Variants in S1PR5 observed in about 807,000 individuals in gnomAD.
The protein encoded by S1PR5 is sphingosine 1-phosphate receptor 5.
For synonymous variants in S1PR5, 307 were observed against 284.7 expected (o/e 1.08, Z -0.79); for missense variants, 583 against 571.7 (o/e 1.02, Z -0.20).
intron 1 of S1PR5, among the ~76,000 whole-genome samples, chr19:10,515,349 C>T (rs1177320416): frequency 6.6e-6 from 1 of 151,956 alleles, no homozygotes; most frequent in Non-Finnish European, 1.5e-5. Flanking sequence ...AGGCTCAGGC[C>T]TGAGGCAGTG....
In S1PR5 at chr19:10,514,301, C is replaced by T; in HGVS notation, c.711G>A (p.Ser237=). 2 of 1,567,168 alleles carry T rather than the reference C, an allele frequency of 1.3e-6. No homozygotes were observed. The highest frequency in any genetic ancestry group is 1.7e-6 in the Non-Finnish European group (2 of 1,156,880). Residue 237 remains serine, a synonymous_variant, in exon 2 of 2, where the codon TCG becomes TCA. Coordinates refer to ENST00000333430, the MANE Select transcript of S1PR5 (RefSeq NM_030760.5). ...AGCGCGGCTTGCGACGCGCCCGGGT[C>T]GAGGTGGTCCCCGCAGTCCCGGGCC... ...PARPGTAGTT[S]TRARRKPRSL...
At chr19:10,517,230 G>T (rs940756654) in intron 1 of S1PR5, 168 bp downstream of exon 1, 1 of 308,226 alleles carries the variant, frequency 3.2e-6, no homozygotes, top group Non-Finnish European at 4.7e-6. Flanking sequence ...CCTGCACCCA[G>T]CTGGGGAGCC....
At position 10,514,992 on chromosome 19, in the gene S1PR5, C is replaced by G; in HGVS notation, c.20G>C (p.Arg7Pro). 6.4e-7 allele frequency: 1 copy of G among 1,570,802 alleles called. No individual in the cohort carries two copies. The highest frequency in any genetic ancestry group is 8.6e-7 in the Non-Finnish European group (1 of 1,163,124). ...GATGACCTCGCTCACCGGCGCCGGCCGCAGCAGCCCCGACTCCATGGGCCG... is the reference window on the plus strand; with the variant it reads ...GATGACCTCGCTCACCGGCGCCGGCGGCAGCAGCCCCGACTCCATGGGCCG... The part of the protein sequence containing the change: MESGLL[R>P]PAPVSEVIVL... Residue 7 changes from arginine (R) to proline (P), a missense_variant, in exon 2 of 2, where the codon CGG becomes CCG. Physicochemically the swap from Arg to Pro is moderately radical, Grantham distance 103 (BLOSUM62 -2). Transcript: ENST00000333430.
Position 10,514,189 on chromosome 19 carries a change from C to T in S1PR5, c.823G>A (p.Val275Met), listed in dbSNP as rs959437204. Residue 275 changes from valine to methionine, a missense_variant, in exon 2 of 2, where the codon GTG becomes ATG. Transcript: ENST00000333430. Reference protein sequence around the residue: ...GPLFLLLLLDVACPARTCPVL... With the variant: ...GPLFLLLLLDMACPARTCPVL... ...GGACAGGTGCGCGCCGGGCACGCCACGTCGAGCAACAGCAGCAGGAAGAGG... is the reference window on the plus strand; with the variant it reads ...GGACAGGTGCGCGCCGGGCACGCCATGTCGAGCAACAGCAGCAGGAAGAGG... The T allele has an allele frequency of 6.2e-7, 1 of 1,612,322 alleles. No individual in the cohort carries two copies. Among genetic ancestry groups the T allele is most frequent in the Non-Finnish European group, 8.5e-7 (1 of 1,179,620 alleles).
chr19:10,513,970 G>A lies in S1PR5; in HGVS notation c.1042C>T (p.Leu348=). 1.3e-6 allele frequency: 2 copies of A among 1,599,804 alleles called. No homozygotes were observed. Among genetic ancestry groups the A allele is most frequent in the Non-Finnish European group, 1.7e-6 (2 of 1,174,456 alleles). ...AGGCCCGGGGGCAGGCAGCGGCGCA[G>A]GCCCCCGGAAGCCTCAGCCGCGCTC... ...SASAAEASGG[L]RRCLPPGLDG... is the part of the protein sequence containing the mutation. Residue 348 remains leucine (L), a synonymous_variant, in exon 2 of 2, where the codon CTG becomes TTG. Transcript: ENST00000333430.
chr19:10,513,964 G>C lies in S1PR5; in HGVS notation c.1048C>G (p.Arg350Gly). The C allele has an allele frequency of 1.3e-6, 2 of 1,598,108 alleles. No homozygotes were observed. The highest frequency in any genetic ancestry group is 1.7e-6 in the Non-Finnish European group (2 of 1,173,582). ...SAAEASGGLR[R>G]CLPPGLDGSF... The stretch of plus-strand genomic sequence containing the variant: ...CCATCAAGGCCCGGGGGCAGGCAGC[G>C]GCGCAGGCCCCCGGAAGCCTCAGCC... The change falls in exon 2 of 2, where the codon CGC becomes GGC. Residue 350 changes from arginine (R) to glycine (G), a missense_variant. Coordinates refer to ENST00000333430, the MANE Select transcript of S1PR5 (RefSeq NM_030760.5).
rs778823439 is a variant in S1PR5 at position 10,514,680 on chromosome 19, C to A, written c.332G>T (p.Arg111Leu). 1.3e-5 allele frequency: 21 copies of A among 1,608,456 alleles called. No homozygotes were observed. Among genetic ancestry groups the A allele is most frequent in the Non-Finnish European group, 1.8e-5 (21 of 1,178,700 alleles). The change falls in exon 2 of 2, where the codon CGG becomes CTG. Residue 111 changes from arginine to leucine, a missense_variant. Physicochemically the swap from Arg to Leu is moderately radical, Grantham distance 102 (BLOSUM62 -2). Transcript: ENST00000333430. ...LKLSPALWFA[R>L]EGGVFVALTA... is the part of the protein sequence containing the mutation. ...GAGTGCCACGAAGACGCCTCCCTCC[C>A]GTGCGAACCAGAGCGCGGGGGACAG...
chr19:10,515,709 T>C (rs1915423617), intron 1 of S1PR5, among the ~76,000 whole-genome samples: 2 of 151,792 alleles, frequency 1.3e-5, no homozygotes, highest in Non-Finnish European at 2.9e-5. Context: ...GGGAGGATTG[T>C]TTGAGGCCCA....
Position 10,514,370 on chromosome 19 carries a change from G to A in S1PR5, c.642C>T (p.Arg214=). The A allele has an allele frequency of 6.3e-7, 1 of 1,590,112 alleles. No homozygotes were observed. The change falls in exon 2 of 2, where the codon CGC becomes CGT. Residue 214 remains arginine, a synonymous_variant. Transcript: ENST00000333430. ...ILAAICALYA[R]IYCQVRANAR... ...CGTTGGCGCGTACCTGGCAGTAGATGCGCGCGTAGAGTGCACAGATAGCGG... is the reference window on the plus strand; with the variant it reads ...CGTTGGCGCGTACCTGGCAGTAGATACGCGCGTAGAGTGCACAGATAGCGG...
chr19:10,513,609 G>C lies in S1PR5; in HGVS notation c.*206C>G, dbSNP rs1250695457. ...ATCATCTCCATTATTTCATCACCGA[G>C]TTCTTTTCTGTGTTCCCAAGCAGAA... On this transcript the variant is annotated 3_prime_UTR_variant, in exon 2 of 2. Transcript: ENST00000333430. 1.3e-4 allele frequency: 87 copies of C among 657,112 alleles called. 2 individuals carry two copies. In the East Asian group the frequency reaches 2.5e-3, roughly 19 times the overall value. 40.7% of individuals were successfully genotyped at this position (657,112 alleles called of 1,614,324 possible).
intron 1 of S1PR5, among the ~76,000 whole-genome samples, chr19:10,515,436 CCT>C (rs1386000964): frequency 1.8e-4 from 27 of 151,952 alleles, no homozygotes; most frequent in Non-Finnish European, 3.5e-4. Context: ...ACGGTGAACC[CCT>C]CCGTCTCTGC....
At chr19:10,517,772 G>T, upstream of S1PR5, 1 of 870,760 alleles carries the variant, frequency 1.1e-6, no homozygotes, top group Non-Finnish European at 1.4e-6. Context: ...CAGCGGAGGG[G>T]TCTCCTCTGT....
rs554077659 is a variant in S1PR5, at chr19:10,514,393, C to T, written c.619G>A (p.Ala207Thr). 6.2e-7 allele frequency: 1 copy of T among 1,605,352 alleles called. No homozygotes were observed. The highest frequency in any genetic ancestry group is 1.3e-5 in the African/African-American group (1 of 74,930). ...CVLAFVGILA[A>T]ICALYARIYC... Reference sequence around the variant, plus strand: ...ATGCGCGCGTAGAGTGCACAGATAGCGGCCAGGATGCCCACGAAGGCGAGC... The same window carrying T: ...ATGCGCGCGTAGAGTGCACAGATAGTGGCCAGGATGCCCACGAAGGCGAGC... Residue 207 changes from alanine (A) to threonine (T), a missense_variant, in exon 2 of 2, where the codon GCT (alanine) becomes ACT (threonine). Physicochemically the swap from Ala to Thr is moderately conservative, Grantham distance 58. Coordinates refer to ENST00000333430, the MANE Select transcript of S1PR5 (RefSeq NM_030760.5).
At position 10,513,924 on chromosome 19, in the gene S1PR5, G is replaced by A. The variant is rs769177138; in HGVS notation, c.1088C>T (p.Ser363Leu). Residue 363 changes from serine (S) to leucine (L), a missense_variant, in exon 2 of 2, where the codon TCG (serine) becomes TTG (leucine). Coordinates refer to ENST00000333430, the MANE Select transcript of S1PR5 (RefSeq NM_030760.5). ...PPGLDGSFSG[S>L]ERSSPQRDGL... The stretch of plus-strand genomic sequence containing the variant: ...GTCGCGCTGGGGCGATGAGCGCTCC[G>A]AGCCGCTGAAGCTCCCATCAAGGCC... 6.2e-7 allele frequency: 1 copy of A among 1,606,150 alleles called. No homozygotes were observed. The highest frequency in any genetic ancestry group is 8.5e-7 in the Non-Finnish European group (1 of 1,177,334).
Position 10,514,933 on chromosome 19 carries a change from C to T in S1PR5, c.79G>A (p.Gly27Ser), listed in dbSNP as rs766907326. Residue 27 changes from glycine to serine, a missense_variant, in exon 2 of 2, where the codon GGT (glycine) becomes AGT (serine). Gly to Ser is a moderately conservative substitution (Grantham distance 56, BLOSUM62 0). Coordinates refer to ENST00000333430, the MANE Select transcript of S1PR5 (RefSeq NM_030760.5). ...CCGGCACCCGGCTGGTAGCGCGCAC[C>T]GCGGAGCTTGCCGGTGTAGTTGTAA... ...LHYNYTGKLR[G>S]ARYQPGAGLR... 4 of 1,608,352 alleles carry T rather than the reference C, an allele frequency of 2.5e-6. No individual in the cohort carries two copies. Among genetic ancestry groups the T allele is most frequent in the African/African-American group, 1.3e-5 (1 of 74,822 alleles).
At chr19:10,516,607 C>CAAAAA (rs113615794) in intron 1 of S1PR5, among the ~76,000 whole-genome samples, 4 of 91,808 alleles carry the variant, frequency 4.4e-5, no homozygotes, top group Non-Finnish European at 6.2e-5. Flanking sequence ...AACTCCGTCT[C>CAAAAA]AAAAAAAAAA....
At position 10,514,983 on chromosome 19, in the gene S1PR5, G is replaced by C. The variant is rs773755164; in HGVS notation, c.29C>G (p.Pro10Arg). The change falls in exon 2 of 2, where the codon CCG (proline) becomes CGG (arginine). Residue 10 changes from proline (P) to arginine (R), a missense_variant. Coordinates refer to ENST00000333430, the MANE Select transcript of S1PR5 (RefSeq NM_030760.5). MESGLLRPA[P>R]VSEVIVLHYN... ...ATGCAGGACGATGACCTCGCTCACCGGCGCCGGCCGCAGCAGCCCCGACTC... is the reference window on the plus strand; with the variant it reads ...ATGCAGGACGATGACCTCGCTCACCCGCGCCGGCCGCAGCAGCCCCGACTC... 39 of 1,577,526 alleles carry C rather than the reference G, an allele frequency of 2.5e-5. No individual in the cohort carries two copies. In the Middle Eastern group the frequency reaches 2.1e-3, roughly 87 times the overall value.
chr19:10,514,376 G>C lies in S1PR5; in HGVS notation c.636C>G (p.Tyr212Ter), dbSNP rs189645975. Reference protein sequence around the residue: ...VGILAAICALYARIYCQVRAN... With the variant: ...VGILAAICAL The stretch of plus-strand genomic sequence containing the variant: ...CGCGTACCTGGCAGTAGATGCGCGC[G>C]TAGAGTGCACAGATAGCGGCCAGGA... The change falls in exon 2 of 2, where the codon TAC becomes TAG. Residue 212 changes from tyrosine (Y) to a stop codon, truncating the protein, a stop_gained. Transcript: ENST00000333430. LOFTEE classifies it low-confidence loss of function (END_TRUNC). 1.3e-6 allele frequency: 2 copies of C among 1,595,378 alleles called. No homozygotes were observed. The highest frequency in any genetic ancestry group is 2.3e-5 in the East Asian group (1 of 44,056).
chr19:10,515,266 T>G (rs1347281902), intron 1 of S1PR5, among the ~76,000 whole-genome samples: 1 of 151,930 alleles, frequency 6.6e-6, no homozygotes, highest in Non-Finnish European at 1.5e-5. Flanking sequence ...AACACATGAA[T>G]GGCTGGGCGC....
Sources: allele counts gnomAD v4.1 joint callset (sites outside exome capture counted in the v4.1 genomes callset), GRCh38; gene constraint gnomAD v4.1.1; transcripts MANE v1.5; gene names NCBI Gene and HGNC (gene_info 2026-07-23, HGNC 2026-07-21).